The following POU6F2 variants were observed in gnomAD, a reference collection of about 807,000 sequenced individuals.
POU6F2 encodes the protein POU domain, class 6, transcription factor 2.
Under a neutral mutation model 71.3 loss-of-function variants are expected in POU6F2, and 31 were observed. The observed-to-expected ratio is 0.43, with a 90% CI of 0.33 to 0.59. The LOEUF (loss-of-function observed/expected upper bound fraction) is 0.59. POU6F2 is among the 20% of genes least tolerant of loss of function. The probability of loss-of-function intolerance (pLI) is 0.04; values close to 1 mark genes in which losing one functional copy is unlikely to be tolerated. For synonymous variants in POU6F2, 347 were observed against 355.7 expected (o/e 0.98, Z 0.27); for missense variants, 783 against 856.8 (o/e 0.91, Z 1.07).
At chr7:39,372,067 G>A (rs747196201) in intron 5 of POU6F2, among the ~76,000 whole-genome samples, 30 of 152,026 alleles carry the variant, frequency 2.0e-4, no homozygotes, top group African/African-American at 4.1e-4. Flanking sequence ...CTATAGGCAC[G>A]CACTACCATG....
intron 1 of POU6F2, among the ~76,000 whole-genome samples, chr7:38,985,836 T>C (rs1788450176): frequency 6.6e-6 from 1 of 152,160 alleles, no homozygotes; most frequent in Non-Finnish European, 1.5e-5. Flanking sequence ...ATTCAGAAGG[T>C]TTCTGGGAAC....
intron 8 of POU6F2, among the ~76,000 whole-genome samples, chr7:39,453,566 A>T (rs1788711933): frequency 2.0e-5 from 3 of 152,248 alleles, no homozygotes; most frequent in Non-Finnish European, 4.4e-5. Flanking sequence ...CATGTGTAAG[A>T]TGGACAGAAA....
At chr7:39,452,663 G>A (rs375111403) in intron 8 of POU6F2, among the ~76,000 whole-genome samples, 2 of 152,142 alleles carry the variant, frequency 1.3e-5, no homozygotes, top group South Asian at 2.1e-4. Context: ...TGACCTCCCC[G>A]ACAAGTAATC....
chr7:39,071,698 CAA>C (rs1491571083), intron 1 of POU6F2, among the ~76,000 whole-genome samples: 2 of 138,668 alleles, frequency 1.4e-5, no homozygotes, highest in African/African-American at 5.5e-5. Context: ...CACACACACA[CAA>C]TATCAAAGTT....
chr7:39,002,129 T>C (rs1788933401), intron 1 of POU6F2: 2 of 152,340 alleles, frequency 1.3e-5, no homozygotes, highest in South Asian at 4.1e-4. Flanking sequence ...CCTTTGGCTT[T>C]AAACAATTTA....
chr7:39,370,948 TAGAC>T lies in POU6F2; in HGVS notation c.972+30945_972+30948del, dbSNP rs770449984. 6.5e-4 allele frequency among the ~76,000 whole-genome samples: 99 copies of T among 152,302 alleles called. 1 individual carries two copies. Among genetic ancestry groups the T allele is most frequent in the Middle Eastern group, 3.4e-3 (1 of 294 alleles). Reference sequence around the variant, plus strand: ...ATACATCTCCTTCTCAATATGTAGGTAGACAGACAGACAGAGATATCTCCTATTA... The same window carrying T: ...ATACATCTCCTTCTCAATATGTAGGTAGACAGACAGAGATATCTCCTATTA... On this transcript the variant is annotated intron_variant, in intron 5 of 9. Coordinates refer to ENST00000518318, the MANE Select transcript of POU6F2 (RefSeq NM_001370959.1).
intron 2 of POU6F2, among the ~76,000 whole-genome samples, chr7:39,187,332 T>A (rs1380326507): frequency 6.6e-6 from 1 of 152,312 alleles, no homozygotes; most frequent in East Asian, 1.9e-4. Context: ...GGAGGCTGTG[T>A]CTTCGCCTGC....
chr7:39,141,715 T>G lies in POU6F2; in HGVS notation c.277+55684T>G, dbSNP rs138574032. Among the ~76,000 whole-genome samples the G allele has an allele frequency of 1.9e-3, 297 of 152,318 alleles. 1 individual carries two copies. The highest frequency in any genetic ancestry group is 7.0e-3 in the African/African-American group (290 of 41,570). ...ATCAATAATAACCATAATGAATATT[T>G]GTATTATTTTTAAAAAAGATGTTTA... On this transcript the variant is annotated intron_variant, in intron 2 of 9. Coordinates refer to ENST00000518318, the MANE Select transcript of POU6F2 (RefSeq NM_001370959.1).
chr7:39,054,853 C>A (rs947843840), intron 1 of POU6F2, among the ~76,000 whole-genome samples: 1 of 150,964 alleles, frequency 6.6e-6, no homozygotes, highest in African/African-American at 2.4e-5. Flanking sequence ...AGTATGAATA[C>A]GTGTGTGAGC....
intron 5 of POU6F2, among the ~76,000 whole-genome samples, chr7:39,391,777 C>A (rs1787080691): frequency 6.6e-6 from 1 of 152,196 alleles, no homozygotes; most frequent in African/African-American, 2.4e-5. Flanking sequence ...CCTTGAAAGC[C>A]TTTGTCTGGT....
rs142714157 is a variant in POU6F2, at chr7:39,135,474, T to C, written c.277+49443T>C. 3.9e-5 allele frequency among the ~76,000 whole-genome samples: 6 copies of C among 152,232 alleles called. No individual in the cohort carries two copies. In the East Asian group the frequency reaches 1.2e-3, roughly 30 times the overall value. On this transcript the variant is annotated intron_variant, in intron 2 of 9. Coordinates refer to ENST00000518318, the MANE Select transcript of POU6F2 (RefSeq NM_001370959.1). ...ATATTCAAAAGTACCTTAGAATGACTACTCATCCACACTCATTCCAGGGTT... is the reference window on the plus strand; with the variant it reads ...ATATTCAAAAGTACCTTAGAATGACCACTCATCCACACTCATTCCAGGGTT...
intron 4 of POU6F2, among the ~76,000 whole-genome samples, chr7:39,258,281 A>C (rs1032177438): frequency 6.6e-6 from 1 of 152,212 alleles, no homozygotes. Flanking sequence ...ACTATACTGG[A>C]CTCTGAGAGA....
chr7:39,129,930 G>A (rs959045705), intron 2 of POU6F2, among the ~76,000 whole-genome samples: 36 of 152,048 alleles, frequency 2.4e-4, no homozygotes, highest in African/African-American at 7.7e-4. Context: ...AGCCGGGCGT[G>A]GTGGCAGGTG....
chr7:39,440,926 C>T (rs1270427112), intron 7 of POU6F2, among the ~76,000 whole-genome samples: 1 of 152,026 alleles, frequency 6.6e-6, no homozygotes, highest in East Asian at 1.9e-4. Flanking sequence ...TGCTTGTTTT[C>T]CTTTCAATGG....
chr7:39,276,581 T>G (rs901695637), intron 4 of POU6F2, among the ~76,000 whole-genome samples: 44 of 151,522 alleles, frequency 2.9e-4, no homozygotes, highest in African/African-American at 1.0e-3. Flanking sequence ...TAAATCATGC[T>G]GCTATAAAGA....
rs536663055 is a variant in POU6F2, at chr7:39,381,787, A to T, written c.973-24813A>T. ...GAAAAATGACCTAATTATGAAATGG[A>T]TTCCTATAATCAGTTGATTAGATTC... On this transcript the variant is annotated intron_variant, in intron 5 of 9. Coordinates refer to ENST00000518318, the MANE Select transcript of POU6F2 (RefSeq NM_001370959.1). 2.6e-5 allele frequency among the ~76,000 whole-genome samples: 4 copies of T among 152,274 alleles called. No homozygotes were observed. The South Asian group carries it at 6.2e-4, about 24-fold the overall frequency.
intron 4 of POU6F2, among the ~76,000 whole-genome samples, chr7:39,268,994 C>T (rs1350481999): frequency 6.6e-6 from 1 of 152,196 alleles, no homozygotes; most frequent in Non-Finnish European, 1.5e-5. Flanking sequence ...AAAGTCACTA[C>T]ATCTTTCAGC....
intron 4 of POU6F2, among the ~76,000 whole-genome samples, chr7:39,276,255 A>T (rs1784436137): frequency 6.6e-6 from 1 of 152,154 alleles, no homozygotes; most frequent in Non-Finnish European, 1.5e-5. Context: ...ATGAACAGAC[A>T]CTTCTCAAAA....
rs138208739 is a variant in POU6F2 at position 39,464,372 on chromosome 7, C to T, written c.1849C>T (p.Arg617Cys). 6.4e-5 allele frequency: 103 copies of T among 1,613,860 alleles called. No homozygotes were observed. Among genetic ancestry groups the T allele is most frequent in the Non-Finnish European group, 8.4e-5 (99 of 1,179,888 alleles). The change falls in exon 10 of 10, where the codon CGC (arginine) becomes TGC (cysteine). Residue 617 changes from arginine (R) to cysteine (C), a missense_variant. This residue lies in a region of POU6F2 where 211 missense variants were observed against 283.9 expected (regional missense o/e 0.74). Transcript: ENST00000518318. The surrounding 1 kb of genome is among the most constrained non-coding windows in gnomAD (Gnocchi z 4.1). ...GCGGTGGATGGCTGAGGCTGAGGCC[C>T]GCCATCGAGCAGGTATGCAGAACCT... ...LERWMAEAEA[R>C]HRAGMQNLTE...
Sources: gnomAD v4.1 joint callset for allele counts (sites outside exome capture counted in the v4.1 genomes callset) on GRCh38, gnomAD v4.1.1 for gene constraint, gnomAD v4.1.1 regional missense constraint, Gnocchi (gnomAD v3.1) non-coding constraint, MANE v1.5 for transcripts, NCBI Gene and HGNC (gene_info 2026-07-23, HGNC 2026-07-21) for gene names.